Variants in OR8B2 observed in about 807,000 individuals in gnomAD.
The protein encoded by OR8B2 is olfactory receptor family 8 subfamily B member 2, also known as olfactory receptor 8B2.
For missense variants in OR8B2, 304 were observed against 379.6 expected, an observed-to-expected ratio of 0.80 and a Z score of 1.65; for synonymous variants, 98 against 138.2, an observed-to-expected ratio of 0.71 and a Z score of 2.04.
Position 124,383,091 on chromosome 11 carries a change from A to G in OR8B2, c.253T>C (p.Phe85Leu). Reference sequence around the variant, plus strand: ...GAGATAATATTCTTTTTTGACACAAAGTTCATTAGCATTTTGGGAGTGAAA... The same window carrying G: ...GAGATAATATTCTTTTTTGACACAAGGTTCATTAGCATTTTGGGAGTGAAA... ...SVFTPKMLMNFVSKKNIISNV... is the reference protein window; with the variant it reads ...SVFTPKMLMNLVSKKNIISNV... Residue 85 changes from phenylalanine to leucine, a missense_variant, in exon 2 of 2, where the codon TTT becomes CTT. By Grantham distance (22) the Phe-to-Leu change is conservative (BLOSUM62 0). Transcript: ENST00000641451. The G allele has an allele frequency of 2.5e-6, 4 of 1,613,910 alleles. No homozygotes were observed. Among genetic ancestry groups the G allele is most frequent in the Non-Finnish European group, 3.4e-6 (4 of 1,179,850 alleles).
At chr11:124,394,075 A>T in the OR8B2 span, among the ~76,000 whole-genome samples, 1 of 125,470 alleles carries the variant, frequency 8.0e-6, no homozygotes, top group Non-Finnish European at 1.6e-5. Flanking sequence ...TGGACACAAG[A>T]AGGAGAACAT....
In OR8B2 at chr11:124,382,759, G is replaced by A. The variant is rs761030464; in HGVS notation, c.585C>T (p.Asn195=). Residue 195 remains asparagine, a synonymous_variant, in exon 2 of 2, where the codon AAC becomes AAT. Coordinates refer to ENST00000641451, the MANE Select transcript of OR8B2 (RefSeq NM_001005468.2). ...LQLSCTSTYV[N]EVVVLIVVGT... is the part of the protein sequence containing the mutation. ...CCACAACAATGAGAACAACCACCTC[G>A]TTGACATAGGTGCTGGTGCAGGAAA... 3.1e-6 allele frequency: 5 copies of A among 1,613,644 alleles called. No individual in the cohort carries two copies. The highest frequency in any genetic ancestry group is 1.1e-5 in the South Asian group (1 of 91,058).
At chr11:124,388,966 C>T (rs1286430320), upstream of OR8B2, among the ~76,000 whole-genome samples, 1 of 151,804 alleles carries the variant, frequency 6.6e-6, no homozygotes, top group African/African-American at 2.4e-5. Context: ...GCTGGGATTA[C>T]AGGTGCGTGC....
chr11:124,389,116 G>A (rs1280493845), upstream of OR8B2, among the ~76,000 whole-genome samples: 1 of 151,992 alleles, frequency 6.6e-6, no homozygotes, highest in Non-Finnish European at 1.5e-5. Context: ...AAGCCACTAC[G>A]CCCAGCCTAA....
upstream of OR8B2, among the ~76,000 whole-genome samples, chr11:124,388,361 GT>G: frequency 1.3e-5 from 2 of 152,040 alleles, no homozygotes; most frequent in South Asian, 4.2e-4. Flanking sequence ...AATGCTTCCA[GT>G]TTTTGTCCAT....
chr11:124,397,217 C>G, the OR8B2 span: 14 of 1,609,528 alleles, frequency 8.7e-6, no homozygotes, highest in African/African-American at 1.4e-5. Flanking sequence ...AAAGAATGAT[C>G]AAGCCAAGGT....
the OR8B2 span, chr11:124,395,638 T>A: frequency 2.0e-5 from 3 of 152,320 alleles, 1 homozygote; most frequent in South Asian, 6.2e-4. Context: ...TTTTCAAAAT[T>A]TTCAATGCTG....
At chr11:124,384,801 T>C (rs555733178), upstream of OR8B2, among the ~76,000 whole-genome samples, 6 of 152,322 alleles carry the variant, frequency 3.9e-5, no homozygotes, top group African/African-American at 1.2e-4. Flanking sequence ...AGATGTAAAC[T>C]TTTCATCAGG....
chr11:124,389,297 T>C (rs891015559), upstream of OR8B2, among the ~76,000 whole-genome samples: 3 of 147,646 alleles, frequency 2.0e-5, no homozygotes, highest in Admixed American at 6.6e-5. Flanking sequence ...GGAAAATTGC[T>C]TTATTTAATG....
the OR8B2 span, among the ~76,000 whole-genome samples, chr11:124,389,921 A>G: frequency 0.4 from 61,025 of 152,010 alleles, 13,731 homozygotes; most frequent in African/African-American, 0.63. Flanking sequence ...AGAGCAAAAC[A>G]TTGGCACAGA....
the OR8B2 span, chr11:124,396,175 A>G: frequency 4.6e-6 from 2 of 431,876 alleles, no homozygotes; most frequent in African/African-American, 2.0e-5. Context: ...ATAATGAAAA[A>G]TATCAGTGCA....
the OR8B2 span, among the ~76,000 whole-genome samples, chr11:124,390,198 T>C: frequency 7.9e-5 from 12 of 152,218 alleles, no homozygotes; most frequent in East Asian, 2.3e-3. Flanking sequence ...GTCTAGGTAA[T>C]GTAGTGAAAG....
At chr11:124,395,027 TAGGG>T in the OR8B2 span, among the ~76,000 whole-genome samples, 1 of 151,614 alleles carries the variant, frequency 6.6e-6, no homozygotes, top group African/African-American at 2.4e-5. Flanking sequence ...ATTTAAAAAG[TAGGG>T]AGGCATGATG....
At chr11:124,386,360 A>C (rs183665568), upstream of OR8B2, among the ~76,000 whole-genome samples, 1 of 139,698 alleles carries the variant, frequency 7.2e-6, no homozygotes, top group African/African-American at 2.7e-5. Flanking sequence ...GCACCCATTA[A>C]CTCCTCATTT....
the OR8B2 span, among the ~76,000 whole-genome samples, chr11:124,390,296 A>G: frequency 6.6e-6 from 1 of 152,182 alleles, no homozygotes; most frequent in East Asian, 1.9e-4. Flanking sequence ...TATACTTCTA[A>G]GAGATTACAA....
At chr11:124,393,160 C>A in the OR8B2 span, among the ~76,000 whole-genome samples, 1 of 147,308 alleles carries the variant, frequency 6.8e-6, no homozygotes. Flanking sequence ...CCCCAAAAAC[C>A]CTAGAAGAAA....
chr11:124,383,426 G>A, intron 1 of OR8B2, 66 bp from the exon 2 acceptor site: 1 of 1,346,838 alleles, frequency 7.4e-7, no homozygotes, highest in Non-Finnish European at 1.0e-6. Flanking sequence ...CATTAATGAG[G>A]AGGGGACTCA....
At chr11:124,391,634 A>G in the OR8B2 span, among the ~76,000 whole-genome samples, 13 of 152,214 alleles carry the variant, frequency 8.5e-5, no homozygotes, top group Non-Finnish European at 1.3e-4. Context: ...CTTACCAACC[A>G]AAAAGAGTCC....
At chr11:124,385,621 T>TTC (rs1179744658), upstream of OR8B2, among the ~76,000 whole-genome samples, 1 of 107,204 alleles carries the variant, frequency 9.3e-6, no homozygotes, top group African/African-American at 4.2e-5. Context: ...TTTTTTCTTT[T>TTC]TCTCTCTCTC....
Sources: allele counts gnomAD v4.1 joint callset (sites outside exome capture counted in the v4.1 genomes callset), GRCh38; gene constraint gnomAD v4.1.1; transcripts MANE v1.5; gene names NCBI Gene and HGNC (gene_info 2026-07-23, HGNC 2026-07-21).